Variants in RIPOR3 observed in about 807,000 individuals in gnomAD.
RIPOR3 encodes the protein family with sequence similarity 65 member C.
RIPOR3 carries 95 observed loss-of-function variants against 114.3 expected under a neutral mutation model. The observed-to-expected ratio is 0.83, with a 90% CI of 0.70 to 0.99. The LOEUF (loss-of-function observed/expected upper bound fraction) is 0.99. Ranked by LOEUF, RIPOR3 falls within the 50% of genes least tolerant of loss-of-function variation. The pLI, the probability that RIPOR3 is intolerant of heterozygous loss-of-function variation, is 0.00. For synonymous variants in RIPOR3, 575 were observed against 543.8 expected (o/e 1.06, Z -0.80); for missense variants, 1,252 against 1,266.9 (o/e 0.99, Z 0.18).
At chr20:50,589,457 T>C (rs1295039028) in intron 20 of RIPOR3, among the ~76,000 whole-genome samples, 1 of 151,944 alleles carries the variant, frequency 6.6e-6, no homozygotes, top group Non-Finnish European at 1.5e-5. Context: ...CCTAGCTAAT[T>C]TTGTGTGTGT....
chr20:50,673,189 A>G (rs578005897), intron 1 of RIPOR3, among the ~76,000 whole-genome samples: 2 of 152,156 alleles, frequency 1.3e-5, no homozygotes, highest in Admixed American at 1.3e-4. Flanking sequence ...TTCTCTAGAT[A>G]CCATCACCAC....
chr20:50,604,448 A>C (rs1183017871), intron 12 of RIPOR3, among the ~76,000 whole-genome samples, 197 bp downstream of exon 12: 1 of 152,230 alleles, frequency 6.6e-6, no homozygotes, highest in Non-Finnish European at 1.5e-5. Flanking sequence ...GAACCAGCCA[A>C]GCCCAGAACC....
chr20:50,679,098 C>A, intron 1 of RIPOR3, among the ~76,000 whole-genome samples: 1 of 44,394 alleles, frequency 2.3e-5, no homozygotes, highest in Non-Finnish European at 4.0e-5. Flanking sequence ...AAGCAAGATC[C>A]TGTCTCAAAA....
At position 50,646,495 on chromosome 20, in the gene RIPOR3, A is replaced by C. The variant is rs148571618; in HGVS notation, c.4-15639T>G. Among the ~76,000 whole-genome samples, 38 of 152,234 alleles carry C rather than the reference A, an allele frequency of 2.5e-4. No homozygotes were observed. In the East Asian group the frequency reaches 7.3e-3, roughly 29 times the overall value. ...TCATGAGGAAAGTGGATTTCCTCCC[A>C]AAGGAACAGACTTATTTTCTAGAAC... On this transcript the variant is annotated intron_variant, in intron 1 of 21. Coordinates refer to ENST00000327979, the MANE Select transcript of RIPOR3 (RefSeq NM_001290268.2).
chr20:50,680,248 G>A (rs538599263), intron 1 of RIPOR3, among the ~76,000 whole-genome samples: 2 of 152,170 alleles, frequency 1.3e-5, no homozygotes, highest in South Asian at 2.1e-4. Context: ...AGTCAATTAC[G>A]GCCAGCGGGG....
chr20:50,606,060 GC>G (rs1215606058), intron 11 of RIPOR3, among the ~76,000 whole-genome samples: 1 of 152,222 alleles, frequency 6.6e-6, no homozygotes, highest in African/African-American at 2.4e-5. Flanking sequence ...AAAAAAATTA[GC>G]TGGGCATGGT....
At chr20:50,594,994 C>G (rs1431527048) in intron 16 of RIPOR3, 2 of 502,864 alleles carry the variant, frequency 4.0e-6, no homozygotes, top group Non-Finnish European at 7.2e-6. Context: ...AGGGGAGGTC[C>G]CACGGGGCAG....
chr20:50,630,093 AAGTAGCTGG>A (rs2084763690), intron 2 of RIPOR3, among the ~76,000 whole-genome samples: 1 of 151,828 alleles, frequency 6.6e-6, no homozygotes, highest in South Asian at 2.1e-4. Flanking sequence ...TCAGCTTTCC[AAGTAGCTGG>A]GATTACAGGC....
Position 50,586,968 on chromosome 20 carries a change from A to G in RIPOR3, c.*264T>C. ...CTCTGCATCTCGGGGAAGGTCACAC[A>G]GACCCTCAGCCAGAAGTTGAGCGCT... On this transcript the variant is annotated 3_prime_UTR_variant, in exon 22 of 22. Transcript: ENST00000327979. 4.7e-6 allele frequency: 2 copies of G among 422,172 alleles called. No homozygotes were observed. Among genetic ancestry groups the G allele is most frequent in the South Asian group, 3.7e-5 (1 of 27,140 alleles). 26.2% of individuals were successfully genotyped at this position (422,172 alleles called of 1,614,324 possible). A position where few individuals can be genotyped will look rare whatever the true frequency, so the allele number is the denominator to read the frequency against.
intron 1 of RIPOR3, among the ~76,000 whole-genome samples, chr20:50,638,487 T>C (rs958333431): frequency 1.3e-5 from 2 of 152,200 alleles, no homozygotes; most frequent in Non-Finnish European, 2.9e-5. Context: ...GGCATTTTAA[T>C]TCAAATGGCC....
intron 2 of RIPOR3, among the ~76,000 whole-genome samples, chr20:50,626,014 G>A (rs1021700652): frequency 6.6e-6 from 1 of 152,226 alleles, no homozygotes; most frequent in African/African-American, 2.4e-5. Context: ...AAGAGAAGGG[G>A]CATCAGCCCA....
At chr20:50,654,516 C>A (rs1474746874) in intron 1 of RIPOR3, among the ~76,000 whole-genome samples, 1 of 149,626 alleles carries the variant, frequency 6.7e-6, no homozygotes, top group Non-Finnish European at 1.5e-5. Flanking sequence ...CTGCAAGCTC[C>A]CAGGAGGCAG....
intron 13 of RIPOR3, 125 bp from the exon 14 acceptor site, chr20:50,597,835 G>T (rs1055923844): frequency 1.4e-6 from 2 of 1,402,948 alleles, no homozygotes; most frequent in East Asian, 2.5e-5. Flanking sequence ...CCCACACACC[G>T]TCCCCCAGCA....
At chr20:50,666,226 T>TCTC (rs1555873214) in intron 1 of RIPOR3, among the ~76,000 whole-genome samples, 1 of 139,740 alleles carries the variant, frequency 7.2e-6, no homozygotes, top group African/African-American at 2.7e-5. Context: ...TCTTTTCTTT[T>TCTC]TTGAGACGGA....
intron 1 of RIPOR3, among the ~76,000 whole-genome samples, chr20:50,677,342 T>G (rs1264983862): frequency 6.6e-6 from 1 of 150,394 alleles, no homozygotes; most frequent in Non-Finnish European, 1.5e-5. Flanking sequence ...TTTGTTACCA[T>G]TATTATTATT....
At chr20:50,608,149 C>T (rs1373639041) in intron 11 of RIPOR3, among the ~76,000 whole-genome samples, 3 of 152,126 alleles carry the variant, frequency 2.0e-5, no homozygotes, top group Non-Finnish European at 4.4e-5. Context: ...TTCCCTGTGG[C>T]TTTAATAGTC....
chr20:50,638,347 G>A (rs942052421), intron 1 of RIPOR3, among the ~76,000 whole-genome samples: 17 of 152,348 alleles, frequency 1.1e-4, no homozygotes, highest in Admixed American at 4.6e-4. Context: ...CAGCAGGCAC[G>A]GGAGTGAGGA....
At chr20:50,660,739 T>C (rs2085963208) in intron 1 of RIPOR3, among the ~76,000 whole-genome samples, 1 of 146,740 alleles carries the variant, frequency 6.8e-6, no homozygotes. Flanking sequence ...TTGGGTTTTC[T>C]GGGATTTACC....
intron 1 of RIPOR3, among the ~76,000 whole-genome samples, chr20:50,631,396 C>T (rs919246363): frequency 1.3e-5 from 2 of 152,224 alleles, no homozygotes; most frequent in East Asian, 1.9e-4. Flanking sequence ...GGAAGGCTGA[C>T]GTGGGGTGAA....
Sources: allele counts gnomAD v4.1 joint callset (sites outside exome capture counted in the v4.1 genomes callset), GRCh38; gene constraint gnomAD v4.1.1; transcripts MANE v1.5; gene names NCBI Gene and HGNC (gene_info 2026-07-23, HGNC 2026-07-21).